The following CSDC2 variants were observed in gnomAD, a reference collection of about 807,000 sequenced individuals.
CSDC2 encodes the protein cold shock domain-containing protein C2.
Under a neutral mutation model 15.8 loss-of-function variants are expected in CSDC2, and 8 were observed. The observed-to-expected ratio is 0.51, with a 90% CI of 0.30 to 0.92. The LOEUF (loss-of-function observed/expected upper bound fraction) is 0.92, where lower values mean the gene tolerates loss of function less well. Ranked by LOEUF, CSDC2 falls within the 40% of genes least tolerant of loss-of-function variation. The pLI, the probability that CSDC2 is intolerant of heterozygous loss-of-function variation, is 0.07. For missense variants in CSDC2, 195 were observed against 213.3 expected, an observed-to-expected ratio of 0.91 and a Z score of 0.53; for synonymous variants, 96 against 92.3, an observed-to-expected ratio of 1.04 and a Z score of -0.23.
chr22:41,561,296 AC>A (rs1203058028), intron 1 of CSDC2, 113 bp downstream of exon 1: 6 of 152,430 alleles, frequency 3.9e-5, no homozygotes. Flanking sequence ...AGTTCAGCTT[AC>A]AGATAGGGTG....
chr22:41,571,899 A>C lies in CSDC2; in HGVS notation c.-67A>C. ...AGGGCCAGGCCGGGCCCTGCCCGCA[A>C]GGACGACCAAACCCCTCACCGGCCC... is the stretch of plus-strand genomic sequence containing the variant. On this transcript the variant is annotated 5_prime_UTR_variant, in exon 2 of 4. Transcript: ENST00000306149. 1 of 1,119,976 alleles carries C rather than the reference A, an allele frequency of 8.9e-7. No individual in the cohort carries two copies. The highest frequency in any genetic ancestry group is 1.2e-6 in the Non-Finnish European group (1 of 855,202). 69.4% of individuals were successfully genotyped at this position (1,119,976 alleles called of 1,614,324 possible). A position where few individuals can be genotyped will look rare whatever the true frequency, so the allele number is the denominator to read the frequency against.
At chr22:41,565,664 T>C (rs1278384224) in intron 1 of CSDC2, among the ~76,000 whole-genome samples, 3 of 152,092 alleles carry the variant, frequency 2.0e-5, no homozygotes, top group Admixed American at 1.3e-4. Context: ...TTAGGGGAGC[T>C]GAGAATTGGA....
At position 41,573,184 on chromosome 22, in the gene CSDC2, T is replaced by C. The variant is rs1932833402; in HGVS notation, c.177-471T>C. Among the ~76,000 whole-genome samples, 9 of 152,114 alleles carry C rather than the reference T, an allele frequency of 5.9e-5. No homozygotes were observed. In the South Asian group the frequency reaches 1.7e-3, roughly 28 times the overall value. Reference sequence around the variant, plus strand: ...CATGGCCAAACACTGCAAAACCCTGTCTCTACTAAAAATGCCAAAACTTAG... The same window carrying C: ...CATGGCCAAACACTGCAAAACCCTGCCTCTACTAAAAATGCCAAAACTTAG... On this transcript the variant is annotated intron_variant, in intron 2 of 3. Transcript: ENST00000306149.
chr22:41,568,291 AT>A (rs904410809), intron 1 of CSDC2, among the ~76,000 whole-genome samples: 67 of 148,138 alleles, frequency 4.5e-4, no homozygotes, highest in African/African-American at 1.3e-3. Context: ...CACCCAGCTA[AT>A]TTTTTTTTTA....
At chr22:41,566,844 G>A (rs932587894) in intron 1 of CSDC2, among the ~76,000 whole-genome samples, 4 of 146,658 alleles carry the variant, frequency 2.7e-5, no homozygotes, top group Admixed American at 1.4e-4. Flanking sequence ...GGAGAAAGGC[G>A]TGAACCCGGG....
At chr22:41,570,096 C>T (rs2145599519) in intron 1 of CSDC2, among the ~76,000 whole-genome samples, 1 of 152,264 alleles carries the variant, frequency 6.6e-6, no homozygotes, top group Middle Eastern at 3.4e-3. Context: ...GTGGTTGCTT[C>T]TTGAAGCTTC....
chr22:41,566,328 C>T (rs1388562902), intron 1 of CSDC2, among the ~76,000 whole-genome samples: 1 of 151,374 alleles, frequency 6.6e-6, no homozygotes, highest in Non-Finnish European at 1.5e-5. Flanking sequence ...CCTGTAGTCC[C>T]AGCTACTCAG....
Position 41,572,071 on chromosome 22 carries a change from G to C in CSDC2, c.106G>C (p.Glu36Gln). The C allele has an allele frequency of 7.3e-7, 1 of 1,361,498 alleles. No individual in the cohort carries two copies. Among genetic ancestry groups the C allele is most frequent in the Non-Finnish European group, 9.5e-7 (1 of 1,053,296 alleles). 84.3% of individuals were successfully genotyped at this position (1,361,498 alleles called of 1,614,324 possible). Residue 36 changes from glutamate (E) to glutamine (Q), a missense_variant, in exon 2 of 4, where the codon GAG becomes CAG. Coordinates refer to ENST00000306149, the MANE Select transcript of CSDC2 (RefSeq NM_014460.4). ...CCACAGGGAGGGCAGCAGGGTCTGG[G>C]AGCGGGGTGGTGTCCCACCTCGGGA... ...PFHREGSRVW[E>Q]RGGVPPRDLP...
At chr22:41,566,231 G>A (rs1320398344) in intron 1 of CSDC2, among the ~76,000 whole-genome samples, 1 of 151,502 alleles carries the variant, frequency 6.6e-6, no homozygotes, top group East Asian at 1.9e-4. Flanking sequence ...GGATCATGAG[G>A]TTGGGAGATC....
intron 1 of CSDC2, among the ~76,000 whole-genome samples, chr22:41,565,449 C>CAAAA (rs34460484): frequency 3.5e-5 from 2 of 57,478 alleles, no homozygotes; most frequent in African/African-American, 5.2e-5. Flanking sequence ...GATTCCATCT[C>CAAAA]AAAAAAAAAA....
intron 1 of CSDC2, among the ~76,000 whole-genome samples, chr22:41,566,466 A>AAACAC (rs1555896245): frequency 7.5e-6 from 1 of 133,938 alleles, no homozygotes; most frequent in African/African-American, 2.9e-5. Flanking sequence ...AAAAAAAAAA[A>AAACAC]ACACACAAAA....
chr22:41,575,063 C>A lies in CSDC2; in HGVS notation c.*168C>A. On this transcript the variant is annotated 3_prime_UTR_variant, in exon 4 of 4. Transcript: ENST00000306149. ...TGTGGCTATGAGCGTGTGCCTCCAC[C>A]CACCCCACGACCCGTGACTACTGTG... The A allele has an allele frequency of 1.2e-6, 1 of 828,242 alleles. No individual in the cohort carries two copies. The highest frequency in any genetic ancestry group is 1.8e-6 in the Non-Finnish European group (1 of 541,548). The allele number at this position is 828,242 out of a possible 1,614,324, so 51.3% of individuals were successfully genotyped here.
intron 1 of CSDC2, among the ~76,000 whole-genome samples, chr22:41,561,966 G>A (rs898529181): frequency 3.9e-5 from 6 of 152,212 alleles, no homozygotes; most frequent in Non-Finnish European, 8.8e-5. Flanking sequence ...CGGAGATAAG[G>A]GGCGACGCTG....
At chr22:41,564,016 G>A (rs1295362062) in intron 1 of CSDC2, among the ~76,000 whole-genome samples, 6 of 150,322 alleles carry the variant, frequency 4.0e-5, no homozygotes, top group East Asian at 2.0e-4. Context: ...CCTGGGAGGC[G>A]GAGCTTGCAG....
At chr22:41,570,506 T>G (rs1463312920) in intron 1 of CSDC2, among the ~76,000 whole-genome samples, 2 of 152,116 alleles carry the variant, frequency 1.3e-5, no homozygotes, top group Non-Finnish European at 2.9e-5. Context: ...GTGATTTTCC[T>G]TCCCTGGGAA....
chr22:41,564,517 C>T (rs529533754), intron 1 of CSDC2, among the ~76,000 whole-genome samples: 9 of 152,246 alleles, frequency 5.9e-5, no homozygotes, highest in African/African-American at 1.9e-4. Context: ...GCCTTAGCCT[C>T]CCAAAGTGCT....
chr22:41,564,695 C>T (rs192630512), intron 1 of CSDC2, among the ~76,000 whole-genome samples: 3 of 152,292 alleles, frequency 2.0e-5, no homozygotes, highest in South Asian at 4.1e-4. Context: ...TTTTTGAAAA[C>T]CTCGGAGGAG....
At chr22:41,574,545 G>T (rs1255864367) in intron 3 of CSDC2, among the ~76,000 whole-genome samples, 188 bp from the exon 4 acceptor site, 2 of 152,224 alleles carry the variant, frequency 1.3e-5, no homozygotes, top group Non-Finnish European at 2.9e-5. Flanking sequence ...GATTACAGGC[G>T]TGAGCCACTG....
chr22:41,575,195 C>T lies in CSDC2; in HGVS notation c.*300C>T. 2.2e-6 allele frequency: 1 copy of T among 458,966 alleles called. No homozygotes were observed. The highest frequency in any genetic ancestry group is 3.7e-5 in the Admixed American group (1 of 26,960). The allele number at this position is 458,966 out of a possible 1,614,324, so 28.4% of individuals were successfully genotyped here. A position where few individuals can be genotyped will look rare whatever the true frequency, so the allele number is the denominator to read the frequency against. ...GCCGCAGACACGCAGGACCCGCTCGCCCTCCTGCTTACCCGTCCCCACGGT... is the reference window on the plus strand; with the variant it reads ...GCCGCAGACACGCAGGACCCGCTCGTCCTCCTGCTTACCCGTCCCCACGGT... On this transcript the variant is annotated 3_prime_UTR_variant, in exon 4 of 4. Coordinates refer to ENST00000306149, the MANE Select transcript of CSDC2 (RefSeq NM_014460.4).
Sources: allele counts gnomAD v4.1 joint callset (sites outside exome capture counted in the v4.1 genomes callset), GRCh38; gene constraint gnomAD v4.1.1; transcripts MANE v1.5; gene names NCBI Gene and HGNC (gene_info 2026-07-23, HGNC 2026-07-21).